Variants in UTRN observed in about 807,000 individuals in gnomAD.
UTRN encodes the protein utrophin, also known as dystrophin-related protein 1.
Under a neutral mutation model 463.9 loss-of-function variants are expected in UTRN, and 283 were observed. The observed-to-expected ratio is 0.61, with a 90% CI of 0.55 to 0.67. The LOEUF (loss-of-function observed/expected upper bound fraction) is 0.67, where lower values mean the gene tolerates loss of function less well. Ranked by LOEUF, UTRN falls within the 30% of genes least tolerant of loss-of-function variation. The pLI is 0.00. For missense variants in UTRN, 3,922 were observed against 4,084.3 expected, an observed-to-expected ratio of 0.96 and a Z score of 1.08; for synonymous variants, 1,442 against 1,431.5, an observed-to-expected ratio of 1.01 and a Z score of -0.17.
intron 47 of UTRN, among the ~76,000 whole-genome samples, chr6:144,549,723 G>A (rs769998635): frequency 9.2e-5 from 14 of 152,168 alleles, no homozygotes; most frequent in Non-Finnish European, 1.9e-4. Flanking sequence ...GGACAAAGTG[G>A]TGACATTCCT....
chr6:144,464,095 A>G (rs1038727293), intron 23 of UTRN, among the ~76,000 whole-genome samples: 3 of 152,150 alleles, frequency 2.0e-5, no homozygotes, highest in Non-Finnish European at 4.4e-5. Context: ...TGCTAAGCAA[A>G]TTTGCATAAG....
chr6:144,780,927 C>G (rs1398040061), intron 60 of UTRN, among the ~76,000 whole-genome samples: 1 of 152,204 alleles, frequency 6.6e-6, no homozygotes, highest in African/African-American at 2.4e-5. Context: ...TTTTTCAAAG[C>G]CCATTTCAAA....
intron 2 of UTRN, among the ~76,000 whole-genome samples, chr6:144,324,541 C>G (rs927285904): frequency 2.0e-5 from 3 of 152,164 alleles, no homozygotes; most frequent in Non-Finnish European, 4.4e-5. Flanking sequence ...AAGTATTTAG[C>G]AAGACTACCT....
intron 2 of UTRN, among the ~76,000 whole-genome samples, chr6:144,368,343 G>C (rs951333808): frequency 1.3e-5 from 2 of 152,208 alleles, no homozygotes; most frequent in African/African-American, 4.8e-5. Flanking sequence ...CTGGCACAGA[G>C]TAGATGCTCA....
intron 2 of UTRN, among the ~76,000 whole-genome samples, chr6:144,322,747 G>A (rs529116566): frequency 6.6e-6 from 1 of 152,190 alleles, no homozygotes; most frequent in African/African-American, 2.4e-5. Context: ...GACCATCCTG[G>A]CTAACACATC....
At chr6:144,791,863 A>C (rs1414766401) in intron 62 of UTRN, among the ~76,000 whole-genome samples, 1 of 152,192 alleles carries the variant, frequency 6.6e-6, no homozygotes, top group Non-Finnish European at 1.5e-5. Context: ...TATGCCTCAA[A>C]AGAGGAAAGT....
intron 2 of UTRN, 34 bp from the exon 3 acceptor site, chr6:144,403,089 A>G: frequency 1.9e-6 from 3 of 1,593,770 alleles, no homozygotes; most frequent in Non-Finnish European, 2.6e-6. Flanking sequence ...AGACTCTCAT[A>G]CTTTTTCCTT....
intron 9 of UTRN, among the ~76,000 whole-genome samples, chr6:144,430,032 A>G (rs1488440336): frequency 1.3e-5 from 2 of 152,192 alleles, no homozygotes; most frequent in Admixed American, 6.5e-5. Flanking sequence ...TTTTCACATC[A>G]TCTGGTTGCC....
intron 46 of UTRN, among the ~76,000 whole-genome samples, chr6:144,548,225 G>C (rs116403714): frequency 6.6e-6 from 1 of 151,966 alleles, no homozygotes; most frequent in South Asian, 2.1e-4. Context: ...ATGGGTATAG[G>C]TTATTACATA....
At chr6:144,782,938 G>A (rs918918869) in intron 61 of UTRN, among the ~76,000 whole-genome samples, 7 of 152,124 alleles carry the variant, frequency 4.6e-5, no homozygotes, top group African/African-American at 1.2e-4. Flanking sequence ...GCTCCCGCCT[G>A]TAATCCCAGC....
Position 144,467,822 on chromosome 6 carries a change from G to A in UTRN, c.3066+4956G>A, listed in dbSNP as rs796346944. Among the ~76,000 whole-genome samples, 18 of 152,040 alleles carry A rather than the reference G, an allele frequency of 1.2e-4. No homozygotes were observed. In the East Asian group the frequency reaches 2.5e-3, roughly 21 times the overall value. ...TGAACACATTTTACTTTACTGAAGG[G>A]AATATTCATATATTCCCTTCCTTAG... On this transcript the variant is annotated intron_variant, in intron 23 of 74. Coordinates refer to ENST00000367545, the MANE Select transcript of UTRN (RefSeq NM_007124.3).
chr6:144,754,857 C>A, intron 57 of UTRN, 59 bp downstream of exon 57: 1 of 1,520,178 alleles, frequency 6.6e-7, no homozygotes, highest in Non-Finnish European at 9.1e-7. Context: ...TTTTCTTTCA[C>A]TTTAATTGAA....
intron 51 of UTRN, among the ~76,000 whole-genome samples, chr6:144,666,483 G>T (rs1044561678): frequency 6.6e-6 from 1 of 152,144 alleles, no homozygotes; most frequent in Admixed American, 6.5e-5. Flanking sequence ...CTCATACATT[G>T]ATATGTGTAT....
At chr6:144,442,068 T>C (rs1248016159) in intron 13 of UTRN, among the ~76,000 whole-genome samples, 2 of 152,226 alleles carry the variant, frequency 1.3e-5, no homozygotes, top group Non-Finnish European at 2.9e-5. Flanking sequence ...TGAAGACCTC[T>C]GACATGCCTG....
At chr6:144,681,539 G>A (rs1024081525) in intron 52 of UTRN, among the ~76,000 whole-genome samples, 2 of 152,074 alleles carry the variant, frequency 1.3e-5, no homozygotes, top group African/African-American at 2.4e-5. Flanking sequence ...AATTAGAAGG[G>A]CTTTGGTGGC....
At chr6:144,288,614 G>A (rs1803906965) in intron 1 of UTRN, among the ~76,000 whole-genome samples, 1 of 151,178 alleles carries the variant, frequency 6.6e-6, no homozygotes, top group Non-Finnish European at 1.5e-5. Flanking sequence ...TTATGTACTT[G>A]AATGAAAGAA....
rs930840161 is a variant in UTRN, at chr6:144,348,156, C to T, written c.80-54967C>T. ...CCACCATGCCCAGCCGTGACTCACT[C>T]TTAAAGGAGCTCAAGTCTTTTGTGT... On this transcript the variant is annotated intron_variant, in intron 2 of 74. Transcript: ENST00000367545. 2.0e-5 allele frequency among the ~76,000 whole-genome samples: 3 copies of T among 152,168 alleles called. No homozygotes were observed. The East Asian group carries it at 5.8e-4, about 29-fold the overall frequency.
chr6:144,327,525 C>T (rs898583125), intron 2 of UTRN, among the ~76,000 whole-genome samples: 1 of 152,130 alleles, frequency 6.6e-6, no homozygotes, highest in Non-Finnish European at 1.5e-5. Context: ...CGGCCTTTCG[C>T]CTCTCATCAA....
At chr6:144,640,725 C>G (rs1777679456) in intron 51 of UTRN, among the ~76,000 whole-genome samples, 1 of 152,050 alleles carries the variant, frequency 6.6e-6, no homozygotes, top group Non-Finnish European at 1.5e-5. Context: ...AACTTGGTCC[C>G]AATATTTATA....
Sources: gnomAD v4.1 joint callset for allele counts (sites outside exome capture counted in the v4.1 genomes callset) on GRCh38, gnomAD v4.1.1 for gene constraint, MANE v1.5 for transcripts, NCBI Gene and HGNC (gene_info 2026-07-23, HGNC 2026-07-21) for gene names.